Variants in TRAPPC6A observed in about 807,000 individuals in gnomAD.
TRAPPC6A encodes TRAPP complex subunit 6A.
Under a neutral mutation model 20.8 loss-of-function variants are expected in TRAPPC6A, and 25 were observed. The ratio of observed to expected loss-of-function variants is 1.20; its 90% CI spans 0.88 to 1.68. The LOEUF (loss-of-function observed/expected upper bound fraction) is 1.68. Among genes scored for constraint, TRAPPC6A ranks in the 40% most tolerant of loss-of-function variants. The pLI, the probability that TRAPPC6A is intolerant of heterozygous loss-of-function variation, is 0.00. For synonymous variants in TRAPPC6A, 96 were observed against 93.3 expected (o/e 1.03, Z -0.16); for missense variants, 215 against 211.6 (o/e 1.02, Z -0.10).
chr19:45,176,325 G>A (rs1283470967), intron 1 of TRAPPC6A, among the ~76,000 whole-genome samples: 1 of 151,804 alleles, frequency 6.6e-6, no homozygotes, highest in Non-Finnish European at 1.5e-5. Flanking sequence ...TTAGCCGGGT[G>A]TGGTGGCAGG....
intron 1 of TRAPPC6A, among the ~76,000 whole-genome samples, chr19:45,166,918 C>A (rs956325124): frequency 6.6e-6 from 1 of 152,178 alleles, no homozygotes; most frequent in African/African-American, 2.4e-5. Flanking sequence ...GAGAGCGTGT[C>A]CGAGGAAGGC....
At chr19:45,164,765 CGCT>C in intron 3 of TRAPPC6A, 85 bp downstream of exon 3, 2 of 1,281,576 alleles carry the variant, frequency 1.6e-6, no homozygotes, top group Admixed American at 3.4e-5. Flanking sequence ...TCCCGGCAGC[CGCT>C]GCTCTGGCGC....
In TRAPPC6A at chr19:45,173,009, G is replaced by C. The variant is rs549901574; in HGVS notation, c.84+5126C>G. Among the ~76,000 whole-genome samples the C allele has an allele frequency of 1.3e-5, 2 of 151,510 alleles. No individual in the cohort carries two copies. The highest frequency in any genetic ancestry group is 6.6e-5 in the Admixed American group (1 of 15,264). On this transcript the variant is annotated intron_variant, in intron 1 of 5. Coordinates refer to ENST00000585934, the MANE Select transcript of TRAPPC6A (RefSeq NM_001270891.2). This position sits in a 1 kb window ranked among gnomAD's most constrained non-coding sequence, Gnocchi z 4.8. ...CTCCGCCCGCCCCACACCCTCCTCAGATAAGGGGCTGCCCAAGTGCACTCT... is the reference window on the plus strand; with the variant it reads ...CTCCGCCCGCCCCACACCCTCCTCACATAAGGGGCTGCCCAAGTGCACTCT...
At chr19:45,175,850 G>A (rs1969361320) in intron 1 of TRAPPC6A, among the ~76,000 whole-genome samples, 1 of 152,068 alleles carries the variant, frequency 6.6e-6, no homozygotes, top group Non-Finnish European at 1.5e-5. Flanking sequence ...CCACCCCCAG[G>A]CTGATGCATA....
At chr19:45,176,286 T>C (rs1227706634) in intron 1 of TRAPPC6A, among the ~76,000 whole-genome samples, 2 of 147,466 alleles carry the variant, frequency 1.4e-5, no homozygotes, top group Non-Finnish European at 3.0e-5. Context: ...ACCCCATCTC[T>C]ACTAAAAATA....
chr19:45,171,034 G>A (rs1311735176), intron 1 of TRAPPC6A, among the ~76,000 whole-genome samples: 3 of 152,220 alleles, frequency 2.0e-5, no homozygotes, highest in Non-Finnish European at 2.9e-5. Context: ...GGGCGCGGGG[G>A]CTCTTGCCTG....
Position 45,165,066 on chromosome 19 carries a change from G to A in TRAPPC6A, c.152+61C>T, listed in dbSNP as rs533315436. The A allele has an allele frequency of 2.0e-5, 33 of 1,610,166 alleles. No individual in the cohort carries two copies. In the African/African-American group the frequency reaches 2.3e-4, roughly 11 times the overall value. ...TGCATGGAGCAATGCAACCCTCCCC[G>A]CCCGGGGCCTGCCCAGCCCTGCCAG... On this transcript the variant is annotated intron_variant, in intron 2 of 5. Transcript: ENST00000585934.
chr19:45,164,253 G>A lies in TRAPPC6A; in HGVS notation c.271-6C>T, dbSNP rs1475702453. ...TCTTGCAGGACGTAGGTCCCCTGGG[G>A]GAGAGGAGAGGCTGGTGGGTGGGGT... On this transcript the variant is annotated splice_polypyrimidine_tract_variant and splice_region_variant and intron_variant, in intron 3 of 5. Coordinates refer to ENST00000585934, the MANE Select transcript of TRAPPC6A (RefSeq NM_001270891.2). 1 of 1,592,104 alleles carries A rather than the reference G, an allele frequency of 6.3e-7. No homozygotes were observed. The highest frequency in any genetic ancestry group is 1.1e-5 in the South Asian group (1 of 87,694).
chr19:45,164,182 A>C lies in TRAPPC6A; in HGVS notation c.336T>G (p.Tyr112Ter), dbSNP rs1226592890. The change falls in exon 4 of 6, where the codon TAT (tyrosine) becomes TAG (stop). Residue 112 changes from tyrosine (Y) to a stop codon, truncating the protein, a stop_gained. Coordinates refer to ENST00000585934, the MANE Select transcript of TRAPPC6A (RefSeq NM_001270891.2). LOFTEE classifies it high-confidence loss of function. ...LLLPMASGLQ[Y>*]LEEAPKFLAF... ...CCCATACCTTGGGTGCTTCCTCCAG[A>C]TACTGCAGGCCAGAGGCCATCGGGA... 6.2e-7 allele frequency: 1 copy of C among 1,609,926 alleles called. No homozygotes were observed. The highest frequency in any genetic ancestry group is 1.1e-5 in the South Asian group (1 of 89,862).
rs531568982 is a variant in TRAPPC6A at position 45,164,239 on chromosome 19, G to C, written c.279C>G (p.Tyr93Ter). 11 of 1,604,698 alleles carry C rather than the reference G, an allele frequency of 6.9e-6. No individual in the cohort carries two copies. The highest frequency in any genetic ancestry group is 8.5e-6 in the Non-Finnish European group (10 of 1,175,064). The change falls in exon 4 of 6, where the codon TAC (tyrosine) becomes TAG (stop). Residue 93 changes from tyrosine (Y) to a stop codon, truncating the protein, a stop_gained. Coordinates refer to ENST00000585934, the MANE Select transcript of TRAPPC6A (RefSeq NM_001270891.2). LOFTEE classifies it high-confidence loss of function. ...GGGGGAAGCTGTTGTCTTGCAGGACGTAGGTCCCCTGGGGGAGAGGAGAGG... is the reference window on the plus strand; with the variant it reads ...GGGGGAAGCTGTTGTCTTGCAGGACCTAGGTCCCCTGGGGGAGAGGAGAGG... The part of the protein sequence containing the change: ...DSLRTNHQGT[Y>*]VLQDNSFPLL...
chr19:45,168,470 C>T (rs1404319527), intron 1 of TRAPPC6A, among the ~76,000 whole-genome samples: 1 of 152,198 alleles, frequency 6.6e-6, no homozygotes, highest in African/African-American at 2.4e-5. Flanking sequence ...CGGGCCCACA[C>T]TCACTCACAC....
intron 1 of TRAPPC6A, among the ~76,000 whole-genome samples, chr19:45,169,643 GA>G (rs1042423782): frequency 1.3e-5 from 2 of 152,158 alleles, no homozygotes; most frequent in African/African-American, 4.8e-5. Flanking sequence ...TTGGCTGGAG[GA>G]GAACCCCAGG....
chr19:45,169,540 T>C (rs969064684), intron 1 of TRAPPC6A, among the ~76,000 whole-genome samples: 7 of 152,240 alleles, frequency 4.6e-5, no homozygotes, highest in Non-Finnish European at 1.0e-4. Context: ...ACCTGAGTAC[T>C]TCAAGGCAGT....
Position 45,164,852 on chromosome 19 carries a change from C to T in TRAPPC6A, c.270+1G>A, listed in dbSNP as rs1250150864. The T allele has an allele frequency of 6.2e-7, 1 of 1,613,816 alleles. No homozygotes were observed. On this transcript the variant is annotated splice_donor_variant, in intron 3 of 5. Coordinates refer to ENST00000585934, the MANE Select transcript of TRAPPC6A (RefSeq NM_001270891.2). LOFTEE classifies it high-confidence loss of function. ...GGACGGGCAGGCCGGGGTGCTCCCA[C>T]CTGGTGATTGGTGCGCAGGCTGTCC...
chr19:45,166,786 C>T (rs949004073), intron 1 of TRAPPC6A, among the ~76,000 whole-genome samples: 1 of 152,168 alleles, frequency 6.6e-6, no homozygotes, highest in Non-Finnish European at 1.5e-5. Context: ...TTGACCCCCA[C>T]CTTCCCTTGG....
At chr19:45,169,858 G>A (rs181051874) in intron 1 of TRAPPC6A, among the ~76,000 whole-genome samples, 219 of 152,318 alleles carry the variant, frequency 1.4e-3, no homozygotes, top group African/African-American at 4.4e-3. Flanking sequence ...CACTCTGGTG[G>A]AACACGTCTG....
chr19:45,168,476 C>T (rs1406717070), intron 1 of TRAPPC6A, among the ~76,000 whole-genome samples: 1 of 152,202 alleles, frequency 6.6e-6, no homozygotes, highest in Admixed American at 6.5e-5. Flanking sequence ...CACACTCACT[C>T]ACACTGGGCC....
chr19:45,177,878 A>G (rs943344580), intron 1 of TRAPPC6A, among the ~76,000 whole-genome samples: 1 of 152,026 alleles, frequency 6.6e-6, no homozygotes, highest in Admixed American at 6.6e-5. Flanking sequence ...CAATAACAGC[A>G]TTATTATGAT....
rs929871118 is a variant in TRAPPC6A, at chr19:45,163,544, G to T, written c.449-321C>A. 2.6e-5 allele frequency among the ~76,000 whole-genome samples: 4 copies of T among 152,132 alleles called. No individual in the cohort carries two copies. Among genetic ancestry groups the T allele is most frequent in the African/African-American group, 9.7e-5 (4 of 41,428 alleles). ...CAAAATAACTGAAGGTGGGGGAGGT[G>T]GTGGGGCAGGCTGTCCCCAGGCAGG... On this transcript the variant is annotated intron_variant, in intron 5 of 5. Transcript: ENST00000585934. The surrounding 1 kb of genome is among the most constrained non-coding windows in gnomAD (Gnocchi z 5.3).
Sources: allele counts gnomAD v4.1 joint callset (sites outside exome capture counted in the v4.1 genomes callset), GRCh38; gene constraint gnomAD v4.1.1; non-coding constraint Gnocchi (gnomAD v3.1); transcripts MANE v1.5; gene names NCBI Gene and HGNC (gene_info 2026-07-23, HGNC 2026-07-21).